Variants in PTPRT observed in about 807,000 individuals in gnomAD.
The protein encoded by PTPRT is protein tyrosine phosphatase receptor type T, also known as receptor-type tyrosine-protein phosphatase T.
A neutral mutation model predicts 176.8 loss-of-function variants in PTPRT; 56 were observed. The observed-to-expected ratio is 0.32, with a 90% CI of 0.26 to 0.40. PTPRT has a LOEUF of 0.40. Among genes scored for constraint, PTPRT ranks in the 10% least tolerant of loss-of-function variants. The pLI, the probability that PTPRT is intolerant of heterozygous loss-of-function variation, is 1.00. For missense variants in PTPRT, 1,540 were observed against 1,908.2 expected (o/e 0.81, Z 3.60); for synonymous variants, 783 against 739.0 (o/e 1.06, Z -0.96).
chr20:43,143,427 T>C (rs1163728397), intron 1 of PTPRT, among the ~76,000 whole-genome samples: 1 of 152,162 alleles, frequency 6.6e-6, no homozygotes, highest in African/African-American at 2.4e-5. Context: ...CACTTGTGCA[T>C]TCATTCATTC....
chr20:42,792,681 A>G (rs2077394544), intron 2 of PTPRT, among the ~76,000 whole-genome samples: 1 of 152,194 alleles, frequency 6.6e-6, no homozygotes, highest in South Asian at 2.1e-4. Context: ...ATTCAAAAAT[A>G]AACCTTAAGA....
At chr20:42,520,802 C>T (rs1007018229) in intron 7 of PTPRT, among the ~76,000 whole-genome samples, 3 of 141,684 alleles carry the variant, frequency 2.1e-5, no homozygotes, top group Non-Finnish European at 3.1e-5. Context: ...CTTGGAAAGA[C>T]ATATATATAT....
chr20:42,875,482 T>C (rs555171511), intron 2 of PTPRT, among the ~76,000 whole-genome samples: 37 of 152,218 alleles, frequency 2.4e-4, no homozygotes, highest in Non-Finnish European at 4.3e-4. Flanking sequence ...CATCTTATAA[T>C]ATGAGATGTT....
At chr20:42,270,554 T>G (rs2056917353) in intron 13 of PTPRT, 1 of 1,018,978 alleles carries the variant, frequency 9.8e-7, no homozygotes, top group Non-Finnish European at 1.5e-6. Flanking sequence ...CTGCAATTCT[T>G]GTGGCTCTGA....
chr20:42,850,045 C>G (rs546817618), intron 2 of PTPRT, among the ~76,000 whole-genome samples: 1 of 152,136 alleles, frequency 6.6e-6, no homozygotes, highest in Admixed American at 6.5e-5. Context: ...CTACATTTCT[C>G]CCTGGGCTGC....
intron 3 of PTPRT, among the ~76,000 whole-genome samples, chr20:42,781,379 G>A (rs982727565): frequency 6.6e-6 from 1 of 152,136 alleles, no homozygotes; most frequent in African/African-American, 2.4e-5. Flanking sequence ...CAAGAGGCAA[G>A]AGGGAAAGAG....
intron 7 of PTPRT, among the ~76,000 whole-genome samples, chr20:42,600,549 C>T (rs1436555646): frequency 1.3e-5 from 2 of 152,080 alleles, no homozygotes; most frequent in Admixed American, 6.6e-5. Flanking sequence ...TGGCTTTTAG[C>T]GTCCATATCA....
rs760637154 is a variant in PTPRT, at chr20:43,073,321, G to A, written c.88+116325C>T. ...CATATTTTCAAAACTGTTTCCATACGTCTGTCTCTTATTTCAATGTGCTCC... is the reference window on the plus strand; with the variant it reads ...CATATTTTCAAAACTGTTTCCATACATCTGTCTCTTATTTCAATGTGCTCC... On this transcript the variant is annotated intron_variant, in intron 1 of 30. Coordinates refer to ENST00000373187, the MANE Select transcript of PTPRT (RefSeq NM_007050.6). Among the ~76,000 whole-genome samples, 6 of 151,910 alleles carry A rather than the reference G, an allele frequency of 3.9e-5. No individual in the cohort carries two copies. In the East Asian group the frequency reaches 5.8e-4, roughly 15 times the overall value.
intron 9 of PTPRT, among the ~76,000 whole-genome samples, chr20:42,362,351 T>C (rs2058442244): frequency 1.3e-5 from 2 of 152,068 alleles, no homozygotes; most frequent in African/African-American, 4.8e-5. Flanking sequence ...AAGGGTTATG[T>C]GTGGTATTTT....
At chr20:42,894,408 C>T (rs1422873652) in intron 1 of PTPRT, among the ~76,000 whole-genome samples, 5 of 152,088 alleles carry the variant, frequency 3.3e-5, no homozygotes, top group African/African-American at 1.2e-4. Flanking sequence ...GTCCAGTGCC[C>T]AGCACTGTTC....
chr20:43,136,957 C>G (rs1024129133), intron 1 of PTPRT, among the ~76,000 whole-genome samples: 1 of 152,178 alleles, frequency 6.6e-6, no homozygotes, highest in African/African-American at 2.4e-5. Context: ...GCTGCTACTT[C>G]CAGACATTTC....
chr20:43,066,253 C>T (rs1277711545), intron 1 of PTPRT, among the ~76,000 whole-genome samples: 2 of 152,206 alleles, frequency 1.3e-5, no homozygotes, highest in African/African-American at 4.8e-5. Flanking sequence ...GCAAGAAGGA[C>T]TTGGCTCGGT....
intron 1 of PTPRT, among the ~76,000 whole-genome samples, chr20:43,111,546 GAAAAAA>G (rs11424029): frequency 4.8e-5 from 4 of 83,448 alleles, no homozygotes; most frequent in Non-Finnish European, 9.2e-5. Context: ...TCCGTCTCAG[GAAAAAA>G]AAAAAAAAAA....
chr20:42,555,786 C>T (rs1346778584), intron 7 of PTPRT, among the ~76,000 whole-genome samples: 1 of 152,092 alleles, frequency 6.6e-6, no homozygotes, highest in African/African-American at 2.4e-5. Flanking sequence ...TATCGTCTAC[C>T]ATGAAAATGA....
At chr20:42,538,234 T>C (rs1220017523) in intron 7 of PTPRT, among the ~76,000 whole-genome samples, 2 of 152,116 alleles carry the variant, frequency 1.3e-5, no homozygotes, top group East Asian at 3.9e-4. Context: ...GCAACCCTAC[T>C]CTACACTGCC....
At chr20:42,400,794 T>A (rs754614563) in intron 9 of PTPRT, among the ~76,000 whole-genome samples, 11 of 152,186 alleles carry the variant, frequency 7.2e-5, no homozygotes, top group Non-Finnish European at 1.6e-4. Context: ...GAGCAGGTAG[T>A]GTGACATGAT....
At chr20:42,614,583 C>G (rs193190049) in intron 7 of PTPRT, among the ~76,000 whole-genome samples, 1 of 152,202 alleles carries the variant, frequency 6.6e-6, no homozygotes, top group East Asian at 1.9e-4. Flanking sequence ...CAACTTTCAC[C>G]ATGCTCCTCT....
At chr20:43,083,357 T>TACATATATATATATATAC (rs1298271341) in intron 1 of PTPRT, among the ~76,000 whole-genome samples, 1 of 126,172 alleles carries the variant, frequency 7.9e-6, no homozygotes, top group East Asian at 2.1e-4. Context: ...TATATATATA[T>TACATATATATATATATAC]ATATATATAT....
At chr20:42,765,610 A>G (rs1439531751) in intron 5 of PTPRT, among the ~76,000 whole-genome samples, 1 of 152,102 alleles carries the variant, frequency 6.6e-6, no homozygotes, top group African/African-American at 2.4e-5. Context: ...AAAGCTTCAT[A>G]ATCTATTATT....
Sources: allele counts gnomAD v4.1 joint callset (sites outside exome capture counted in the v4.1 genomes callset), GRCh38; gene constraint gnomAD v4.1.1; transcripts MANE v1.5; gene names NCBI Gene and HGNC (gene_info 2026-07-23, HGNC 2026-07-21).